The following TEX22 variants were observed in gnomAD, a reference collection of about 807,000 sequenced individuals.
TEX22 encodes the protein testis expressed 22.
TEX22 carries 16 observed loss-of-function variants against 11.3 expected under a neutral mutation model. The ratio of observed to expected loss-of-function variants is 1.42; its 90% CI spans 0.96 to 2.15. The LOEUF is 2.15. Among genes scored for constraint, TEX22 ranks in the 30% most tolerant of loss-of-function variants. The pLI is 0.00. For missense variants in TEX22, 220 were observed against 208.6 expected (o/e 1.05, Z -0.34); for synonymous variants, 97 against 92.3 (o/e 1.05, Z -0.29).
rs1555419461 is a variant in TEX22, at chr14:105,411,919, C to A, written c.*86C>A. 3 of 1,298,182 alleles carry A rather than the reference C, an allele frequency of 2.3e-6. No individual in the cohort carries two copies. The highest frequency in any genetic ancestry group is 3.0e-6 in the Non-Finnish European group (3 of 994,258). The allele number at this position is 1,298,182 out of a possible 1,614,324, so 80.4% of individuals were successfully genotyped here. A position where few individuals can be genotyped will look rare whatever the true frequency, so the allele number is the denominator to read the frequency against. The stretch of plus-strand genomic sequence containing the variant: ...GCAGCCTCTGCGCCTTCTTTGTGCC[C>A]CACCAGGGGGTCACCACCCACCCAT... On this transcript the variant is annotated 3_prime_UTR_variant, in exon 4 of 4. Transcript: ENST00000451127.
intron 2 of TEX22, among the ~76,000 whole-genome samples, chr14:105,400,231 C>T (rs2141354471): frequency 6.6e-6 from 1 of 152,278 alleles, no homozygotes; most frequent in Non-Finnish European, 1.5e-5. Flanking sequence ...GTGGGGAGCT[C>T]ATTGAGCCAT....
At chr14:105,400,860 G>T (rs1555418273) in intron 2 of TEX22, among the ~76,000 whole-genome samples, 5 of 152,186 alleles carry the variant, frequency 3.3e-5, no homozygotes, top group Non-Finnish European at 7.3e-5. Flanking sequence ...GTGCCCAGAT[G>T]ACTTTATAGG....
rs587766363 is a variant in TEX22, at chr14:105,406,568, G to A, written c.151-4800G>A. 1.6e-4 allele frequency among the ~76,000 whole-genome samples: 24 copies of A among 151,994 alleles called. No individual in the cohort carries two copies. In the East Asian group the frequency reaches 4.3e-3, roughly 27 times the overall value. On this transcript the variant is annotated intron_variant, in intron 2 of 3. Coordinates refer to ENST00000451127, the MANE Select transcript of TEX22 (RefSeq NM_001195082.2). ...CTCTGCAAAAAATAAAAATTAGCCC[G>A]GGTGGCGTGCCACTGTAGGCTCCCA...
chr14:105,408,988 C>T (rs1555419090), intron 2 of TEX22, among the ~76,000 whole-genome samples: 4 of 150,758 alleles, frequency 2.7e-5, no homozygotes, highest in African/African-American at 7.3e-5. Flanking sequence ...CTCCTCCTCC[C>T]TCTTCTACGA....
At chr14:105,408,997 G>T (rs923052116) in intron 2 of TEX22, among the ~76,000 whole-genome samples, 1 of 126,048 alleles carries the variant, frequency 7.9e-6, no homozygotes, top group African/African-American at 3.1e-5. Flanking sequence ...CCTCTTCTAC[G>T]AACTGATTAT....
intron 2 of TEX22, among the ~76,000 whole-genome samples, chr14:105,409,735 C>T (rs904641129): frequency 2.0e-5 from 3 of 150,122 alleles, no homozygotes; most frequent in East Asian, 1.9e-4. Context: ...TTCTTTCTTT[C>T]GTTCTTTTTC....
chr14:105,399,426 TAGC>T lies in TEX22; in HGVS notation c.90_92del (p.Ala31del), dbSNP rs1555418134. 2 of 1,535,828 alleles carry T rather than the reference TAGC, an allele frequency of 1.3e-6. No homozygotes were observed. The highest frequency in any genetic ancestry group is 2.4e-5 in the South Asian group (2 of 84,064). ...CACAGGCGGCCCCCACTGGGCCTGATAGCAGCCTGGGGCCAGCCCAGTATCCAG... is the reference window on the plus strand; with the variant it reads ...CACAGGCGGCCCCCACTGGGCCTGATAGCCTGGGGCCAGCCCAGTATCCAG... On this transcript the variant is annotated inframe_deletion, in exon 2 of 4. Transcript: ENST00000451127.
At chr14:105,402,560 C>G (rs189051448) in intron 2 of TEX22, among the ~76,000 whole-genome samples, 2 of 151,812 alleles carry the variant, frequency 1.3e-5, no homozygotes, top group Admixed American at 1.3e-4. Context: ...CAAGACCATC[C>G]TGGCTAACAC....
intron 1 of TEX22, 110 bp from the exon 2 acceptor site, chr14:105,399,192 C>T (rs1474336166): frequency 3.1e-6 from 2 of 654,832 alleles, no homozygotes; most frequent in Non-Finnish European, 5.2e-6. Flanking sequence ...TGGAAGGTGA[C>T]CCTAGCAGAC....
At chr14:105,410,328 C>T (rs782125595) in intron 2 of TEX22, among the ~76,000 whole-genome samples, 12 of 152,184 alleles carry the variant, frequency 7.9e-5, no homozygotes, top group African/African-American at 2.7e-4. Flanking sequence ...CTACTCGCCT[C>T]GGCCTCCCAA....
intron 1 of TEX22, 50 bp from the exon 2 acceptor site, chr14:105,399,252 G>C: frequency 8.7e-7 from 1 of 1,153,314 alleles, no homozygotes; most frequent in South Asian, 1.5e-5. Context: ...TGGTGGGCAC[G>C]TGGGTGGCCT....
In TEX22 at chr14:105,399,507, C is replaced by T; in HGVS notation, c.150+17C>T. ...CAGGACTGGGTAAGCGGAAGGAAACCCTGGCCGAGGCTACTCTCCTGTCCC... is the reference window on the plus strand; with the variant it reads ...CAGGACTGGGTAAGCGGAAGGAAACTCTGGCCGAGGCTACTCTCCTGTCCC... On this transcript the variant is annotated intron_variant, in intron 2 of 3. Transcript: ENST00000451127. 1 of 1,520,098 alleles carries T rather than the reference C, an allele frequency of 6.6e-7. No individual in the cohort carries two copies. Among genetic ancestry groups the T allele is most frequent in the South Asian group, 1.2e-5 (1 of 83,104 alleles). 94.2% of individuals were successfully genotyped at this position (1,520,098 alleles called of 1,614,324 possible).
intron 2 of TEX22, among the ~76,000 whole-genome samples, chr14:105,404,403 C>T (rs1192804844): frequency 6.6e-6 from 1 of 152,210 alleles, no homozygotes; most frequent in Non-Finnish European, 1.5e-5. Flanking sequence ...GTTTTGGATA[C>T]ACTGGTCATC....
Position 105,411,607 on chromosome 14 carries a change from C to G in TEX22, c.280-53C>G, listed in dbSNP as rs2081692790. On this transcript the variant is annotated intron_variant, in intron 3 of 3. Transcript: ENST00000451127. The stretch of plus-strand genomic sequence containing the variant: ...CCTTTACCCCGGCGCTCCCGGGCCC[C>G]GCCGTTGTCCCCTTCCCGCCCCTCG... 4.7e-6 allele frequency: 7 copies of G among 1,490,482 alleles called. No homozygotes were observed. In the South Asian group the frequency reaches 7.4e-5, roughly 16 times the overall value. 92.3% of individuals were successfully genotyped at this position (1,490,482 alleles called of 1,614,324 possible).
At chr14:105,401,570 C>T (rs187401062) in intron 2 of TEX22, among the ~76,000 whole-genome samples, 8 of 104,504 alleles carry the variant, frequency 7.7e-5, no homozygotes, top group East Asian at 5.6e-4. Flanking sequence ...CATCACACAC[C>T]GGGGACTCTT....
intron 2 of TEX22, among the ~76,000 whole-genome samples, chr14:105,404,025 CAGTA>C (rs1371705629): frequency 6.6e-6 from 1 of 152,216 alleles, no homozygotes; most frequent in African/African-American, 2.4e-5. Context: ...CAACTTAAAA[CAGTA>C]AGTATTTTTA....
chr14:105,412,008 A>G lies in TEX22; in HGVS notation c.*175A>G. The G allele has an allele frequency of 3.3e-6, 2 of 606,070 alleles. No individual in the cohort carries two copies. Among genetic ancestry groups the G allele is most frequent in the Non-Finnish European group, 5.3e-6 (2 of 376,786 alleles). The allele number at this position is 606,070 out of a possible 1,614,324, so 37.5% of individuals were successfully genotyped here. A position where few individuals can be genotyped will look rare whatever the true frequency, so the allele number is the denominator to read the frequency against. ...GCCTGCAGCTGCTGAGGCCTTGGAG[A>G]CCGGGCTAGGGGCTATGGGAGGCCA... On this transcript the variant is annotated 3_prime_UTR_variant, in exon 4 of 4. Coordinates refer to ENST00000451127, the MANE Select transcript of TEX22 (RefSeq NM_001195082.2). This position sits in a 1 kb window ranked among gnomAD's most constrained non-coding sequence, Gnocchi z 5.8.
At chr14:105,404,885 T>C (rs1038384107) in intron 2 of TEX22, among the ~76,000 whole-genome samples, 5 of 152,174 alleles carry the variant, frequency 3.3e-5, no homozygotes, top group Non-Finnish European at 7.3e-5. Context: ...AAACTGAAAC[T>C]GACAGTCACT....
At position 105,402,564 on chromosome 14, in the gene TEX22, C is replaced by G. The variant is rs181721194; in HGVS notation, c.150+3074C>G. Among the ~76,000 whole-genome samples, 55 of 151,802 alleles carry G rather than the reference C, an allele frequency of 3.6e-4. 1 individual carries two copies. Among genetic ancestry groups the G allele is most frequent in the African/African-American group, 1.2e-3 (51 of 41,214 alleles). ...GGTCTGGAGATCAAGACCATCCTGG[C>G]TAACACGGTGAAACCCCGTCTCTAC... On this transcript the variant is annotated intron_variant, in intron 2 of 3. Coordinates refer to ENST00000451127, the MANE Select transcript of TEX22 (RefSeq NM_001195082.2).
Sources: gnomAD v4.1 joint callset for allele counts (sites outside exome capture counted in the v4.1 genomes callset) on GRCh38, gnomAD v4.1.1 for gene constraint, Gnocchi (gnomAD v3.1) non-coding constraint, MANE v1.5 for transcripts, NCBI Gene and HGNC (gene_info 2026-07-23, HGNC 2026-07-21) for gene names.